Variants in IFT74 observed in about 807,000 individuals in gnomAD.
IFT74 encodes intraflagellar transport 74.
A neutral mutation model predicts 96.7 loss-of-function variants in IFT74; 92 were observed. That is an observed-to-expected ratio of 0.95 (90% CI 0.80 to 1.13). The LOEUF (loss-of-function observed/expected upper bound fraction) is 1.13, where lower values mean the gene tolerates loss of function less well. Ranked by LOEUF, IFT74 falls within the 50% of genes most tolerant of loss-of-function variation. The pLI is 0.00. For missense variants in IFT74, 811 were observed against 698.2 expected, an observed-to-expected ratio of 1.16 and a Z score of -1.82; for synonymous variants, 223 against 213.2, an observed-to-expected ratio of 1.05 and a Z score of -0.40.
intron 8 of IFT74, chr9:26,998,354 C>A (rs1438934555): frequency 1.2e-5 from 7 of 602,738 alleles, no homozygotes; most frequent in Admixed American, 3.7e-5. Flanking sequence ...GGGAAAAAAA[C>A]CTACTATCTA....
At chr9:27,023,238 G>C (rs1829699791) in intron 12 of IFT74, among the ~76,000 whole-genome samples, 1 of 152,134 alleles carries the variant, frequency 6.6e-6, no homozygotes, top group African/African-American at 2.4e-5. Flanking sequence ...TCTTGTTCCA[G>C]TTCTTAGGGG....
intron 2 of IFT74, among the ~76,000 whole-genome samples, chr9:26,966,373 G>A (rs1198775687): frequency 1.3e-5 from 2 of 152,000 alleles, no homozygotes; most frequent in East Asian, 3.9e-4. Context: ...CGTTTTAACT[G>A]GAGTGAGATG....
intron 8 of IFT74, chr9:26,995,670 C>T (rs1302439092): frequency 1.9e-6 from 3 of 1,613,844 alleles, no homozygotes; most frequent in East Asian, 2.2e-5. Flanking sequence ...CTTGGATTTC[C>T]AGTAAAACCA....
chr9:27,035,756 A>G (rs1304598736), intron 13 of IFT74, among the ~76,000 whole-genome samples: 1 of 152,248 alleles, frequency 6.6e-6, no homozygotes, highest in African/African-American at 2.4e-5. Context: ...GATAATAAAA[A>G]TTATACAATT....
chr9:27,040,473 T>G (rs1444653548), intron 13 of IFT74, among the ~76,000 whole-genome samples: 2 of 136,420 alleles, frequency 1.5e-5, no homozygotes, highest in African/African-American at 2.8e-5. Context: ...CGCTTGAACC[T>G]GGGAGGCGGA....
At chr9:26,952,518 C>T (rs1825966639), upstream of IFT74, among the ~76,000 whole-genome samples, 1 of 152,086 alleles carries the variant, frequency 6.6e-6, no homozygotes, top group Non-Finnish European at 1.5e-5. Context: ...CTCAGGTGAT[C>T]CGCCTGCCTA....
At chr9:26,965,229 G>T (rs779256925) in intron 2 of IFT74, among the ~76,000 whole-genome samples, 1 of 151,990 alleles carries the variant, frequency 6.6e-6, no homozygotes, top group Non-Finnish European at 1.5e-5. Flanking sequence ...TAAATGAATA[G>T]ACAAAAATGT....
intron 18 of IFT74, among the ~76,000 whole-genome samples, chr9:27,059,619 G>T (rs1170348869): frequency 6.6e-6 from 1 of 152,150 alleles, no homozygotes; most frequent in East Asian, 1.9e-4. Flanking sequence ...TCAAGGTCCT[G>T]TCTGGGGGAG....
At chr9:27,023,191 C>G (rs1163165046) in intron 12 of IFT74, among the ~76,000 whole-genome samples, 1 of 152,034 alleles carries the variant, frequency 6.6e-6, no homozygotes, top group African/African-American at 2.4e-5. Context: ...ACTTCTAGTG[C>G]TGTGTTGAAT....
At chr9:27,032,606 G>A (rs1349241288) in intron 13 of IFT74, among the ~76,000 whole-genome samples, 2 of 151,966 alleles carry the variant, frequency 1.3e-5, no homozygotes, top group East Asian at 3.9e-4. Flanking sequence ...AGTGGCTCAC[G>A]CCTGTAATCC....
At chr9:26,975,000 T>C (rs565254324) in intron 2 of IFT74, among the ~76,000 whole-genome samples, 1 of 152,280 alleles carries the variant, frequency 6.6e-6, no homozygotes, top group African/African-American at 2.4e-5. Flanking sequence ...CTATCTCACG[T>C]TGAAGTCCTT....
At chr9:26,961,737 T>C (rs1826368277) in intron 1 of IFT74, among the ~76,000 whole-genome samples, 1 of 151,946 alleles carries the variant, frequency 6.6e-6, no homozygotes, top group African/African-American at 2.4e-5. Context: ...GGTAAGATAA[T>C]AGAAAGATGA....
Position 27,063,561 on chromosome 9 carries a change from G to A in IFT74, c.*825G>A, listed in dbSNP as rs539606229. Among the ~76,000 whole-genome samples, 24 of 152,144 alleles carry A rather than the reference G, an allele frequency of 1.6e-4. No homozygotes were observed. Among genetic ancestry groups the A allele is most frequent in the African/African-American group, 5.5e-4 (23 of 41,544 alleles). ...TCTGGAAGACATTATATTAACTGTAGATGTATCTTCTCTTATCGTGCAGGA... is the reference window on the plus strand; with the variant it reads ...TCTGGAAGACATTATATTAACTGTAAATGTATCTTCTCTTATCGTGCAGGA... On this transcript the variant is annotated 3_prime_UTR_variant, in exon 20 of 20. Transcript: ENST00000380062.
chr9:26,957,967 A>G (rs985057783), intron 1 of IFT74, among the ~76,000 whole-genome samples: 2 of 151,878 alleles, frequency 1.3e-5, no homozygotes, highest in African/African-American at 4.8e-5. Context: ...GTTAGCCAGG[A>G]TGGTCTCCAT....
chr9:27,047,743 CTGTAAATTTAT>C (rs1440423895), intron 15 of IFT74, among the ~76,000 whole-genome samples: 1 of 152,068 alleles, frequency 6.6e-6, no homozygotes, highest in Non-Finnish European at 1.5e-5. Context: ...TATTTTTATA[CTGTAAATTTAT>C]TGTAAATAAA....
At chr9:26,969,942 G>C (rs543190441) in intron 2 of IFT74, among the ~76,000 whole-genome samples, 136 of 151,956 alleles carry the variant, frequency 8.9e-4, no homozygotes, top group Non-Finnish European at 1.6e-3. Context: ...AAAATTCGTG[G>C]CTGACAATTT....
intron 14 of IFT74, among the ~76,000 whole-genome samples, chr9:27,046,370 G>A (rs1230356590): frequency 6.6e-6 from 1 of 152,050 alleles, no homozygotes; most frequent in African/African-American, 2.4e-5. Context: ...AGTATAATGG[G>A]AATCCATTAC....
chr9:26,956,124 T>A (rs1004397552), upstream of IFT74: 1 of 152,230 alleles, frequency 6.6e-6, no homozygotes, highest in Non-Finnish European at 1.5e-5. Flanking sequence ...GACGTGAGGT[T>A]ACCTAGGGAC....
chr9:27,052,269 G>A (rs565203277), intron 16 of IFT74, among the ~76,000 whole-genome samples: 210 of 152,220 alleles, frequency 1.4e-3, no homozygotes, highest in African/African-American at 4.8e-3. Context: ...CACCACTTTG[G>A]GAGGCCAAGG....
Sources: gnomAD v4.1 joint callset for allele counts (sites outside exome capture counted in the v4.1 genomes callset) on GRCh38, gnomAD v4.1.1 for gene constraint, MANE v1.5 for transcripts, NCBI Gene and HGNC (gene_info 2026-07-23, HGNC 2026-07-21) for gene names.